The following CACNA2D3 variants were observed in gnomAD, a reference collection of about 807,000 sequenced individuals.
CACNA2D3 encodes voltage-dependent calcium channel subunit alpha-2/delta-3.
A neutral mutation model predicts 160.6 loss-of-function variants in CACNA2D3; 60 were observed. The ratio of observed to expected loss-of-function variants is 0.37; its 90% confidence interval spans 0.30 to 0.46. The LOEUF (loss-of-function observed/expected upper bound fraction) is 0.46, where lower values mean the gene tolerates loss of function less well. Ranked by LOEUF, CACNA2D3 falls within the 20% of genes least tolerant of loss-of-function variation. The pLI, the probability that CACNA2D3 is intolerant of heterozygous loss-of-function variation, is 1.00. For synonymous variants in CACNA2D3, 558 were observed against 492.9 expected, an observed-to-expected ratio of 1.13 and a Z score of -1.75; for missense variants, 1,205 against 1,365.0, an observed-to-expected ratio of 0.88 and a Z score of 1.85.
In CACNA2D3 at chr3:54,469,491, T is replaced by C. The variant is rs994920450; in HGVS notation, c.382-34001T>C. 2.6e-5 allele frequency among the ~76,000 whole-genome samples: 4 copies of C among 152,086 alleles called. No individual in the cohort carries two copies. In the East Asian group the frequency reaches 7.7e-4, roughly 29 times the overall value. ...TGAGGAAAAACCAGTGCAAAAAGGC[T>C]GAAAATTCCAAAAACCAGAATGCCT... On this transcript the variant is annotated intron_variant, in intron 4 of 37. Transcript: ENST00000474759.
chr3:55,045,824 T>C (rs1383638662), intron 35 of CACNA2D3, among the ~76,000 whole-genome samples: 1 of 152,126 alleles, frequency 6.6e-6, no homozygotes, highest in African/African-American at 2.4e-5. Context: ...AGTTTATTAG[T>C]TTTATTGATC....
intron 13 of CACNA2D3, among the ~76,000 whole-genome samples, chr3:54,811,944 T>C (rs894260983): frequency 6.6e-6 from 1 of 152,246 alleles, no homozygotes; most frequent in East Asian, 1.9e-4. Flanking sequence ...CCTAATAAGA[T>C]TACTGTGAGT....
chr3:55,060,608 G>C (rs1047678539), intron 35 of CACNA2D3, among the ~76,000 whole-genome samples: 1 of 152,130 alleles, frequency 6.6e-6, no homozygotes. Flanking sequence ...TTGGCATTAA[G>C]TAAACACTCC....
chr3:54,911,621 G>C (rs1016379136), intron 27 of CACNA2D3, among the ~76,000 whole-genome samples: 1 of 151,898 alleles, frequency 6.6e-6, no homozygotes, highest in African/African-American at 2.4e-5. Context: ...CACTTCCACT[G>C]TTCCCTCAGT....
chr3:54,551,767 C>G (rs539722282), intron 5 of CACNA2D3, among the ~76,000 whole-genome samples: 3 of 152,212 alleles, frequency 2.0e-5, no homozygotes, highest in Non-Finnish European at 4.4e-5. Context: ...GCTGCTGTGA[C>G]AGTTTTGCAA....
intron 5 of CACNA2D3, among the ~76,000 whole-genome samples, chr3:54,518,359 T>C (rs1559502769): frequency 6.6e-6 from 1 of 151,322 alleles, no homozygotes; most frequent in Non-Finnish European, 1.5e-5. Context: ...GTAGGGGAAG[T>C]GAGGGGTGAG....
intron 9 of CACNA2D3, among the ~76,000 whole-genome samples, chr3:54,627,280 A>ATCC (rs1699141978): frequency 6.6e-6 from 1 of 152,220 alleles, no homozygotes; most frequent in African/African-American, 2.4e-5. Context: ...TCACAAAGGA[A>ATCC]GCATTCTAGG....
chr3:54,550,843 G>A (rs1702144487), intron 5 of CACNA2D3, among the ~76,000 whole-genome samples: 2 of 152,148 alleles, frequency 1.3e-5, no homozygotes, highest in African/African-American at 4.8e-5. Flanking sequence ...AGCTGGCACA[G>A]CACCTGCCTT....
At chr3:54,898,474 T>G (rs1700251422) in intron 26 of CACNA2D3, among the ~76,000 whole-genome samples, 1 of 152,156 alleles carries the variant, frequency 6.6e-6, no homozygotes, top group South Asian at 2.1e-4. Context: ...CCACCCTCCT[T>G]GGCTTCCCAA....
intron 12 of CACNA2D3, among the ~76,000 whole-genome samples, chr3:54,754,384 T>A (rs1002667743): frequency 6.6e-6 from 1 of 152,102 alleles, no homozygotes; most frequent in Admixed American, 6.5e-5. Context: ...AGAGCAGAGG[T>A]AGTGACAATA....
At chr3:54,295,179 G>A (rs528877800) in intron 2 of CACNA2D3, among the ~76,000 whole-genome samples, 1 of 152,146 alleles carries the variant, frequency 6.6e-6, no homozygotes, top group African/African-American at 2.4e-5. Flanking sequence ...AGAGTTGGGG[G>A]TGCCAAAGGT....
chr3:54,948,515 A>T (rs1701672892), intron 27 of CACNA2D3, among the ~76,000 whole-genome samples: 1 of 151,332 alleles, frequency 6.6e-6, no homozygotes, highest in South Asian at 2.1e-4. Flanking sequence ...ATCTTCCTGC[A>T]GTGGTTTCAC....
chr3:54,285,349 G>A (rs1174444332), intron 2 of CACNA2D3, among the ~76,000 whole-genome samples: 1 of 152,222 alleles, frequency 6.6e-6, no homozygotes, highest in African/African-American at 2.4e-5. Flanking sequence ...AGCAGTCTGA[G>A]ATCAAACTGC....
At chr3:55,005,836 T>C (rs1703082508) in intron 32 of CACNA2D3, among the ~76,000 whole-genome samples, 1 of 152,236 alleles carries the variant, frequency 6.6e-6, no homozygotes, top group Non-Finnish European at 1.5e-5. Flanking sequence ...CCTTACAATG[T>C]TATTATTTTG....
intron 31 of CACNA2D3, among the ~76,000 whole-genome samples, chr3:54,988,765 A>T (rs1702673941): frequency 6.6e-6 from 1 of 152,208 alleles, no homozygotes. Flanking sequence ...TTCAAAAATG[A>T]TGACCCAGTG....
intron 2 of CACNA2D3, among the ~76,000 whole-genome samples, chr3:54,159,606 A>G (rs1438456539): frequency 6.6e-6 from 1 of 152,174 alleles, no homozygotes; most frequent in African/African-American, 2.4e-5. Flanking sequence ...AAGATATGGA[A>G]GCAATTATGA....
At chr3:54,362,570 A>G (rs1429230473) in intron 3 of CACNA2D3, among the ~76,000 whole-genome samples, 2 of 152,194 alleles carry the variant, frequency 1.3e-5, no homozygotes, top group Non-Finnish European at 2.9e-5. Flanking sequence ...CTGACCCTGT[A>G]AGAGAATTCT....
At chr3:54,969,102 A>T (rs6800164) in intron 28 of CACNA2D3, among the ~76,000 whole-genome samples, 1,828 of 152,258 alleles carry the variant, frequency 0.012, 34 homozygotes, top group African/African-American at 0.041. Context: ...TTAAATTAAG[A>T]TACTTTAGGA....
chr3:54,868,156 G>A (rs994094298), intron 17 of CACNA2D3, among the ~76,000 whole-genome samples: 2 of 152,146 alleles, frequency 1.3e-5, no homozygotes, highest in Non-Finnish European at 2.9e-5. Flanking sequence ...CTCTTGGCCT[G>A]TTATATCTAT....
Sources: gnomAD v4.1 joint callset for allele counts (sites outside exome capture counted in the v4.1 genomes callset) on GRCh38, gnomAD v4.1.1 for gene constraint, MANE v1.5 for transcripts, NCBI Gene and HGNC (gene_info 2026-07-23, HGNC 2026-07-21) for gene names.